The following TEX14 variants were observed in gnomAD, a reference collection of about 807,000 sequenced individuals.
TEX14 encodes the protein inactive serine/threonine-protein kinase TEX14.
TEX14 carries 168 observed loss-of-function variants against 178.6 expected under a neutral mutation model. That is an observed-to-expected ratio of 0.94 (90% CI 0.83 to 1.07). The LOEUF (loss-of-function observed/expected upper bound fraction) is 1.07. Among genes scored for constraint, TEX14 ranks in the 50% least tolerant of loss-of-function variants. The pLI is 0.00. For synonymous variants in TEX14, 626 were observed against 634.1 expected, an observed-to-expected ratio of 0.99 and a Z score of 0.19; for missense variants, 1,730 against 1,753.6, an observed-to-expected ratio of 0.99 and a Z score of 0.24.
intron 22 of TEX14, among the ~76,000 whole-genome samples, chr17:58,573,701 T>C (rs2044598431): frequency 6.6e-6 from 1 of 152,088 alleles, no homozygotes; most frequent in South Asian, 2.1e-4. Flanking sequence ...GTATTTTTAG[T>C]AGAGATGGGA....
intron 5 of TEX14, among the ~76,000 whole-genome samples, chr17:58,620,009 C>T (rs1437077133): frequency 6.6e-6 from 1 of 152,118 alleles, no homozygotes; most frequent in East Asian, 1.9e-4. Flanking sequence ...CTACCATGCA[C>T]CAAGCAGCTA....
At position 58,579,669 on chromosome 17, in the gene TEX14, G is replaced by A. The variant is rs751954677; in HGVS notation, c.3234C>T (p.Val1078=). ...GIQGAFAQPQ[V]SGEEKFQMRK... ...TCTTCCCTAAGGGCTTATTACCAGA[G>A]ACTTGAGGTTGGGCAAATGCACCTT... Residue 1078 remains valine (V), a synonymous_variant, in exon 20 of 32, where the codon GTC becomes GTT. Transcript: ENST00000349033. The A allele has an allele frequency of 2.5e-6, 4 of 1,613,358 alleles. No homozygotes were observed. The highest frequency in any genetic ancestry group is 2.5e-6 in the Non-Finnish European group (3 of 1,179,352).
At chr17:58,671,888 C>A (rs1439934978) in intron 1 of TEX14, among the ~76,000 whole-genome samples, 18 of 152,096 alleles carry the variant, frequency 1.2e-4, no homozygotes, top group Admixed American at 5.3e-4. Context: ...ACTCACTAGG[C>A]CCCTAGCCCC....
chr17:58,611,252 C>CT lies in TEX14; in HGVS notation c.1092_1093insA (p.Gly365ArgfsTer19). The stretch of plus-strand genomic sequence containing the variant: ...GAGCTGAGGGAGCGGTGGATAAACC[C>CT]CTGGAAATGCAGGTATCTCAGGGCA... On this transcript the variant is annotated frameshift_variant, in exon 10 of 32. Transcript: ENST00000349033. LOFTEE classifies it high-confidence loss of function. The CT allele has an allele frequency of 6.2e-7, 1 of 1,613,590 alleles. No homozygotes were observed. The highest frequency in any genetic ancestry group is 8.5e-7 in the Non-Finnish European group (1 of 1,179,622).
chr17:58,646,462 A>T (rs2046710463), intron 2 of TEX14, among the ~76,000 whole-genome samples: 1 of 151,962 alleles, frequency 6.6e-6, no homozygotes, highest in South Asian at 2.1e-4. Flanking sequence ...GCTCCTCTCC[A>T]TCCTCAGAGC....
At chr17:58,653,417 C>A (rs1277306367) in intron 1 of TEX14, among the ~76,000 whole-genome samples, 1 of 152,150 alleles carries the variant, frequency 6.6e-6, no homozygotes, top group African/African-American at 2.4e-5. Flanking sequence ...GGTGTACCTA[C>A]TGCTATGGTT....
At chr17:58,679,453 G>A (rs1270998125) in intron 1 of TEX14, 2 of 152,076 alleles carry the variant, frequency 1.3e-5, no homozygotes, top group African/African-American at 2.4e-5. Context: ...TTCCAAAACA[G>A]GAGGTTACAA....
At chr17:58,654,291 G>A (rs1385795056) in intron 1 of TEX14, among the ~76,000 whole-genome samples, 2 of 152,070 alleles carry the variant, frequency 1.3e-5, no homozygotes, top group Non-Finnish European at 2.9e-5. Context: ...CCTAAAGTCT[G>A]ATCAAATAAT....
At chr17:58,598,449 G>C (rs2045346232) in intron 14 of TEX14, among the ~76,000 whole-genome samples, 1 of 152,094 alleles carries the variant, frequency 6.6e-6, no homozygotes, top group Admixed American at 6.6e-5. Context: ...TATTCAATAA[G>C]TTGAGCCATG....
intron 2 of TEX14, among the ~76,000 whole-genome samples, chr17:58,637,207 C>T (rs150177745): frequency 0.012 from 1,756 of 152,156 alleles, 15 homozygotes; most frequent in Middle Eastern, 0.041. Context: ...GGTGACAGAA[C>T]GAGACTCTGT....
Position 58,617,535 on chromosome 17 carries a change from T to C in TEX14, c.636+3A>G, listed in dbSNP as rs2045900704. On this transcript the variant is annotated splice_donor_region_variant and intron_variant, in intron 6 of 31. Coordinates refer to ENST00000349033, the MANE Select transcript of TEX14 (RefSeq NM_031272.5). ...ACACTGGCTGTCAGTGGCAACCTCTTACCTTCCCAAAACCAAAGCTGTAGA... is the reference window on the plus strand; with the variant it reads ...ACACTGGCTGTCAGTGGCAACCTCTCACCTTCCCAAAACCAAAGCTGTAGA... 6 of 1,612,870 alleles carry C rather than the reference T, an allele frequency of 3.7e-6. No homozygotes were observed. The highest frequency in any genetic ancestry group is 5.1e-6 in the Non-Finnish European group (6 of 1,179,146).
intron 14 of TEX14, among the ~76,000 whole-genome samples, chr17:58,597,281 C>G (rs2045310119): frequency 6.6e-6 from 1 of 152,036 alleles, no homozygotes; most frequent in Non-Finnish European, 1.5e-5. Context: ...TGACTGTAGT[C>G]CCAGCTACTC....
chr17:58,626,137 C>CT (rs979002661), intron 3 of TEX14, among the ~76,000 whole-genome samples: 5 of 152,168 alleles, frequency 3.3e-5, no homozygotes, highest in African/African-American at 1.2e-4. Flanking sequence ...TCCTGCCCCC[C>CT]TTTCCTGCCC....
At chr17:58,638,697 C>T (rs972931300) in intron 2 of TEX14, among the ~76,000 whole-genome samples, 3 of 151,858 alleles carry the variant, frequency 2.0e-5, no homozygotes, top group Non-Finnish European at 4.4e-5. Context: ...TGCCACGACG[C>T]CTGCCTAATT....
At chr17:58,561,493 A>G in intron 29 of TEX14, 27 bp downstream of exon 29, 1 of 1,495,634 alleles carries the variant, frequency 6.7e-7, no homozygotes, top group Non-Finnish European at 9.3e-7. Context: ...AAAAGAAGAA[A>G]AGGATTCCCC....
At chr17:58,661,372 G>A in intron 1 of TEX14, 3 of 923,696 alleles carry the variant, frequency 3.2e-6, no homozygotes, top group Non-Finnish European at 5.5e-6. Flanking sequence ...ACTTCAGGTC[G>A]GTGGAAGTAA....
chr17:58,560,959 C>T (rs1404712278), intron 29 of TEX14, among the ~76,000 whole-genome samples: 4 of 152,332 alleles, frequency 2.6e-5, no homozygotes, highest in East Asian at 1.9e-4. Context: ...GACTTCTCAT[C>T]ATGTCTCAAG....
At chr17:58,684,417 A>C (rs1017455990) in intron 1 of TEX14, among the ~76,000 whole-genome samples, 1 of 151,106 alleles carries the variant, frequency 6.6e-6, no homozygotes, top group Non-Finnish European at 1.5e-5. Flanking sequence ...AGCTGAGATC[A>C]CACCATTGCA....
chr17:58,611,434 T>A, intron 9 of TEX14, 95 bp from the exon 10 acceptor site: 1 of 893,096 alleles, frequency 1.1e-6, no homozygotes, highest in Non-Finnish European at 1.7e-6. Context: ...CATATGATCC[T>A]CATGGTTACC....
Sources: allele counts gnomAD v4.1 joint callset (sites outside exome capture counted in the v4.1 genomes callset), GRCh38; gene constraint gnomAD v4.1.1; transcripts MANE v1.5; gene names NCBI Gene and HGNC (gene_info 2026-07-23, HGNC 2026-07-21).